The following DNAH3 variants were observed in gnomAD, a reference collection of about 807,000 sequenced individuals.
DNAH3 encodes the protein dynein axonemal heavy chain 3.
In DNAH3, 332 loss-of-function variants were observed where a neutral mutation model predicts 432.5. That is an observed-to-expected ratio of 0.77 (90% CI 0.70 to 0.84). The LOEUF (loss-of-function observed/expected upper bound fraction) is 0.84. Ranked by LOEUF, DNAH3 falls within the 40% of genes least tolerant of loss-of-function variation. DNAH3 has a pLI of 0.00. For synonymous variants in DNAH3, 1,956 were observed against 1,900.2 expected (o/e 1.03, Z -0.76); for missense variants, 4,861 against 5,114.0 (o/e 0.95, Z 1.51).
intron 6 of DNAH3, among the ~76,000 whole-genome samples, chr16:21,135,457 C>T (rs936666287): frequency 2.8e-4 from 43 of 152,162 alleles, no homozygotes; most frequent in Admixed American, 2.8e-3. Flanking sequence ...CTTTGAGAGG[C>T]TGAGGTGGGT....
intron 44 of DNAH3, among the ~76,000 whole-genome samples, chr16:20,989,691 G>A (rs538166058): frequency 5.3e-5 from 8 of 152,370 alleles, no homozygotes; most frequent in South Asian, 2.1e-4. Context: ...CGTGGAGCAG[G>A]GGGTGGTGCT....
chr16:21,097,581 C>T (rs957918019), intron 17 of DNAH3, 82 bp from the exon 18 acceptor site: 12 of 1,523,776 alleles, frequency 7.9e-6, no homozygotes, highest in South Asian at 4.5e-5. Context: ...TTCCTCAGTG[C>T]CTTGAAAACC....
intron 33 of DNAH3, among the ~76,000 whole-genome samples, chr16:21,039,213 G>GTTTTTTTTTTTTTTT: frequency 9.6e-6 from 1 of 103,628 alleles, no homozygotes; most frequent in Non-Finnish European, 2.0e-5. Context: ...TTATAGTGTT[G>GTTTTTTTTTTTTTTT]CTTTTTTTTT....
chr16:21,151,321 G>GTTT (rs10578754), intron 1 of DNAH3, among the ~76,000 whole-genome samples: 1 of 128,378 alleles, frequency 7.8e-6, no homozygotes, highest in African/African-American at 3.0e-5. Flanking sequence ...GTTTTTCCCC[G>GTTT]TTTTTTTTTT....
chr16:20,995,305 C>T (rs1305030662), intron 44 of DNAH3, among the ~76,000 whole-genome samples: 1 of 152,026 alleles, frequency 6.6e-6, no homozygotes, highest in Non-Finnish European at 1.5e-5. Context: ...GCAATCTTGG[C>T]TCACTGCAAC....
chr16:20,995,626 T>TC (rs921479060), intron 44 of DNAH3, among the ~76,000 whole-genome samples: 3 of 152,174 alleles, frequency 2.0e-5, no homozygotes, highest in Admixed American at 6.5e-5. Flanking sequence ...CCGCCTTTTT[T>TC]CCCTCTCTCT....
rs529612500 is a variant in DNAH3 at position 21,113,656 on chromosome 16, G to A, written c.1815-1558C>T. ...GTATTTTTAATAGAGACAGAATTTT[G>A]TCATGTTGGCCAGGCTGCTCTCAAA... On this transcript the variant is annotated intron_variant, in intron 12 of 61. Coordinates refer to ENST00000261383, the Ensembl canonical transcript of DNAH3. Among the ~76,000 whole-genome samples the A allele has an allele frequency of 3.3e-5, 5 of 152,180 alleles. No homozygotes were observed. The South Asian group carries it at 1.0e-3, about 32-fold the overall frequency.
At chr16:20,986,748 A>G (rs571630252) in intron 47 of DNAH3, among the ~76,000 whole-genome samples, 3 of 152,288 alleles carry the variant, frequency 2.0e-5, no homozygotes, top group African/African-American at 4.8e-5. Context: ...CCTATGTTAG[A>G]ACCCAGTGAC....
At chr16:21,088,016 T>C (rs1003447158) in intron 18 of DNAH3, among the ~76,000 whole-genome samples, 6 of 152,162 alleles carry the variant, frequency 3.9e-5, no homozygotes, top group Admixed American at 1.3e-4. Context: ...GGGTTTCACA[T>C]CCAGCCAAGA....
chr16:21,150,412 A>G, intron 1 of DNAH3: 1 of 424,038 alleles, frequency 2.4e-6, no homozygotes, highest in South Asian at 1.7e-5. Context: ...TTGGTCTGAA[A>G]TTCACACTTC....
chr16:21,067,284 T>C, exon 24 of DNAH3: 1 of 1,614,030 alleles, frequency 6.2e-7, no homozygotes, highest in Middle Eastern at 1.7e-4. Context: ...GCTGGATACC[T>C]GGGGAAGAAT....
chr16:20,943,152 C>T (rs1204452174), intron 58 of DNAH3, among the ~76,000 whole-genome samples: 1 of 152,102 alleles, frequency 6.6e-6, no homozygotes, highest in Non-Finnish European at 1.5e-5. Flanking sequence ...ATGATCTCAG[C>T]TCACTGCAGC....
At chr16:20,965,077 A>T (rs372193196) in exon 53 of DNAH3, 6 of 1,613,886 alleles carry the variant, frequency 3.7e-6, no homozygotes, top group Non-Finnish European at 4.2e-6. Flanking sequence ...CAGGGCCTGG[A>T]GCCGATCTAC....
At chr16:20,985,712 G>A (rs759215220) in exon 48 of DNAH3, 2 of 1,611,718 alleles carry the variant, frequency 1.2e-6, no homozygotes, top group Non-Finnish European at 1.7e-6. Flanking sequence ...AAGTGGATAA[G>A]CACCTGTAAG....
Position 21,120,461 on chromosome 16 carries a change from G to C in DNAH3, c.1699+279C>G, listed in dbSNP as rs372985892. On this transcript the variant is annotated intron_variant, in intron 11 of 61. Coordinates refer to ENST00000261383, the Ensembl canonical transcript of DNAH3. ...ACGGCAGATCTTGCAGTGAGTGAAG[G>C]TAACACCCACCAGTTGCCATTCTTA... is the stretch of plus-strand genomic sequence containing the variant. 5.9e-5 allele frequency among the ~76,000 whole-genome samples: 9 copies of C among 152,050 alleles called. No homozygotes were observed. The East Asian group carries it at 1.7e-3, about 29-fold the overall frequency.
chr16:20,992,639 C>T (rs2086605554), intron 44 of DNAH3, among the ~76,000 whole-genome samples: 1 of 152,170 alleles, frequency 6.6e-6, no homozygotes, highest in Admixed American at 6.5e-5. Flanking sequence ...CGCTCCTGGC[C>T]TATTTCATAT....
chr16:20,971,469 A>G (rs2152638627), intron 51 of DNAH3, among the ~76,000 whole-genome samples: 1 of 152,256 alleles, frequency 6.6e-6, no homozygotes, highest in South Asian at 2.1e-4. Flanking sequence ...CCGGTCCACA[A>G]AAAAGCCTCA....
intron 40 of DNAH3, among the ~76,000 whole-genome samples, chr16:21,021,727 T>C (rs940159112): frequency 1.1e-4 from 17 of 152,012 alleles, no homozygotes; most frequent in African/African-American, 3.1e-4. Flanking sequence ...CTGGTCAACA[T>C]GGCGAAACCC....
chr16:21,048,324 C>T (rs1341901610), intron 31 of DNAH3, among the ~76,000 whole-genome samples: 1 of 152,162 alleles, frequency 6.6e-6, no homozygotes, highest in South Asian at 2.1e-4. Flanking sequence ...TAGCAATCAG[C>T]GAGACTCCGT....
Sources: gnomAD v4.1 joint callset for allele counts (sites outside exome capture counted in the v4.1 genomes callset) on GRCh38, gnomAD v4.1.1 for gene constraint, MANE v1.5 for transcripts, NCBI Gene and HGNC (gene_info 2026-07-23, HGNC 2026-07-21) for gene names.